MAK: variants seen among roughly 807,000 people sequenced by gnomAD.
The protein encoded by MAK is male germ cell associated kinase.
Under a neutral mutation model 82.6 loss-of-function variants are expected in MAK, and 65 were observed. That is an observed-to-expected ratio of 0.79 (90% CI 0.64 to 0.97). The LOEUF is 0.97. Ranked by LOEUF, MAK falls within the 50% of genes least tolerant of loss-of-function variation. MAK has a pLI of 0.00. For synonymous variants in MAK, 250 were observed against 274.2 expected (o/e 0.91, Z 0.87); for missense variants, 703 against 780.2 (o/e 0.90, Z 1.18).
rs536612553 is a variant in MAK, at chr6:10,834,058, C to T, written c.-229-3181G>A. 6.0e-4 allele frequency among the ~76,000 whole-genome samples: 92 copies of T among 152,256 alleles called. 2 individuals carry two copies. The South Asian group carries it at 0.013, about 22-fold the overall frequency. On this transcript the variant is annotated intron_variant, in intron 1 of 14. Transcript: ENST00000354489. ...TTTTGGGTTGTTTTGTTTTGTACTA[C>T]GTTAAACAAAACATGGACTAAAATA...
intron 2 of MAK, chr6:10,829,110 G>A (rs1445818883): frequency 6.6e-6 from 1 of 152,220 alleles, no homozygotes; most frequent in Non-Finnish European, 1.5e-5. Flanking sequence ...ACTGCCATCA[G>A]AGAACCCAAG....
At chr6:10,765,045 G>A (rs576913599) in intron 14 of MAK, among the ~76,000 whole-genome samples, 3 of 150,422 alleles carry the variant, frequency 2.0e-5, no homozygotes, top group South Asian at 2.1e-4. Flanking sequence ...GCAGTGAGCC[G>A]AGATCATACC....
intron 8 of MAK, among the ~76,000 whole-genome samples, chr6:10,797,425 G>A (rs758520649): frequency 1.7e-4 from 26 of 152,118 alleles, no homozygotes; most frequent in African/African-American, 5.1e-4. Context: ...GTTGGGGGAC[G>A]CTACTAGTGT....
intron 12 of MAK, among the ~76,000 whole-genome samples, chr6:10,774,617 A>T (rs865823591): frequency 9.8e-5 from 15 of 152,344 alleles, no homozygotes; most frequent in South Asian, 2.1e-4. Context: ...AAAAAAAATT[A>T]AAAAAACTTT....
intron 1 of MAK, among the ~76,000 whole-genome samples, chr6:10,836,171 T>G (rs1779136209): frequency 6.6e-6 from 1 of 152,190 alleles, no homozygotes; most frequent in African/African-American, 2.4e-5. Context: ...CCAGCTCCTT[T>G]CTGTTTGAGG....
intron 10 of MAK, among the ~76,000 whole-genome samples, chr6:10,790,415 A>AG (rs1774974891): frequency 6.8e-6 from 1 of 147,484 alleles, no homozygotes; most frequent in African/African-American, 2.4e-5. Context: ...AAAGAGGAAA[A>AG]CAAAAAAAAA....
chr6:10,815,912 G>GTGTATGTATATATATATATATATATA (rs1554184483), intron 4 of MAK, among the ~76,000 whole-genome samples: 1 of 108,320 alleles, frequency 9.2e-6, no homozygotes, highest in African/African-American at 4.6e-5. Context: ...GCTTTATACA[G>GTGTATGTATATATATATATATATATA]TATATATATA....
chr6:10,807,489 G>A (rs923435720), intron 6 of MAK, among the ~76,000 whole-genome samples: 2 of 151,450 alleles, frequency 1.3e-5, no homozygotes, highest in Non-Finnish European at 2.9e-5. Flanking sequence ...ACCAAGGCGC[G>A]TGACACCACA....
In MAK at chr6:10,813,622, ATTAAAC is replaced by A. The variant is rs1315254163; in HGVS notation, c.358+16_358+21del. The A allele has an allele frequency of 5.1e-6, 7 of 1,380,698 alleles. No homozygotes were observed. Among genetic ancestry groups the A allele is most frequent in the African/African-American group, 2.8e-5 (2 of 70,262 alleles). The allele number at this position is 1,380,698 out of a possible 1,614,324, so 85.5% of individuals were successfully genotyped here. A position where few individuals can be genotyped will look rare whatever the true frequency, so the allele number is the denominator to read the frequency against. On this transcript the variant is annotated intron_variant, in intron 5 of 14. Transcript: ENST00000354489. ...GACAGTAATCTAAAGAGGTAGGGAA[ATTAAAC>A]TTAAAAGAAACCTACCATGTTTATG... is the stretch of plus-strand genomic sequence containing the variant.
intron 5 of MAK, among the ~76,000 whole-genome samples, chr6:10,809,301 T>C (rs1416320550): frequency 1.3e-5 from 2 of 152,216 alleles, no homozygotes; most frequent in Non-Finnish European, 2.9e-5. Context: ...GTTATCACTA[T>C]TGTGCAATAG....
chr6:10,784,229 A>C (rs116027338), intron 11 of MAK, among the ~76,000 whole-genome samples, 195 bp downstream of exon 11: 1 of 152,124 alleles, frequency 6.6e-6, no homozygotes, highest in African/African-American at 2.4e-5. Flanking sequence ...GCTCCTAAGC[A>C]TTTCTTGAGC....
chr6:10,828,721 G>GGAGGCT (rs1778557364), intron 2 of MAK, among the ~76,000 whole-genome samples: 1 of 152,096 alleles, frequency 6.6e-6, no homozygotes, highest in Non-Finnish European at 1.5e-5. Flanking sequence ...TTCAAGCCCA[G>GGAGGCT]GAGGCTGAGG....
rs138329555 is a variant in MAK, at chr6:10,782,440, C to T, written c.1465+1984G>A. Among the ~76,000 whole-genome samples, 67 of 152,272 alleles carry T rather than the reference C, an allele frequency of 4.4e-4. 2 individuals carry two copies. In the East Asian group the frequency reaches 8.7e-3, roughly 20 times the overall value. ...TTCACCCCCTGTAAGTTTATATCAA[C>T]TTATTCAACACCTGTGGCTAAACCT... is the stretch of plus-strand genomic sequence containing the variant. On this transcript the variant is annotated intron_variant, in intron 11 of 14. Transcript: ENST00000354489.
intron 1 of MAK, among the ~76,000 whole-genome samples, chr6:10,834,081 A>C (rs1239211427): frequency 6.6e-6 from 1 of 152,212 alleles, no homozygotes. Flanking sequence ...ATGGACTAAA[A>C]TATATTTCTT....
At chr6:10,836,897 A>C (rs1201720385) in intron 1 of MAK, among the ~76,000 whole-genome samples, 1 of 152,250 alleles carries the variant, frequency 6.6e-6, no homozygotes, top group Non-Finnish European at 1.5e-5. Flanking sequence ...ACAAAAATAA[A>C]TACCCTTATA....
At chr6:10,805,735 T>C (rs1484146779) in intron 6 of MAK, among the ~76,000 whole-genome samples, 1 of 152,242 alleles carries the variant, frequency 6.6e-6, no homozygotes. Flanking sequence ...GAGAACTTAC[T>C]ATACTTTGAC....
chr6:10,824,891 C>A (rs999971167), intron 2 of MAK, among the ~76,000 whole-genome samples: 2 of 152,192 alleles, frequency 1.3e-5, no homozygotes, highest in Non-Finnish European at 2.9e-5. Context: ...CCAAGGAACA[C>A]CACAGCCGAT....
At chr6:10,824,905 A>T (rs1394748119) in intron 2 of MAK, among the ~76,000 whole-genome samples, 1 of 152,104 alleles carries the variant, frequency 6.6e-6, no homozygotes, top group African/African-American at 2.4e-5. Context: ...AGCCGATGAT[A>T]TTGTTGAAAT....
chr6:10,781,517 G>C (rs752674709), intron 11 of MAK, among the ~76,000 whole-genome samples: 1 of 149,188 alleles, frequency 6.7e-6, no homozygotes, highest in Non-Finnish European at 1.5e-5. Flanking sequence ...TCTGCCTCCT[G>C]GGTTCAAGTG....
Sources: gnomAD v4.1 joint callset for allele counts (sites outside exome capture counted in the v4.1 genomes callset) on GRCh38, gnomAD v4.1.1 for gene constraint, MANE v1.5 for transcripts, NCBI Gene and HGNC (gene_info 2026-07-23, HGNC 2026-07-21) for gene names.